Variants in FHAD1 observed in about 807,000 individuals in gnomAD.
The protein encoded by FHAD1 is forkhead-associated domain-containing protein 1.
In FHAD1, 146 loss-of-function variants were observed where a neutral mutation model predicts 191.3. The ratio of observed to expected loss-of-function variants is 0.76; its 90% CI spans 0.67 to 0.88. FHAD1 has a LOEUF of 0.88. Ranked by LOEUF, FHAD1 falls within the 40% of genes least tolerant of loss-of-function variation. The pLI is 0.00. For synonymous variants in FHAD1, 616 were observed against 672.3 expected, an observed-to-expected ratio of 0.92 and a Z score of 1.29; for missense variants, 1,635 against 1,785.8, an observed-to-expected ratio of 0.92 and a Z score of 1.52.
rs201203594 is a variant in FHAD1 at position 15,338,646 on chromosome 1, G to A, written c.1907-835G>A. Among the ~76,000 whole-genome samples, 7 of 152,094 alleles carry A rather than the reference G, an allele frequency of 4.6e-5. No homozygotes were observed. In the East Asian group the frequency reaches 1.4e-3, roughly 29 times the overall value. Reference sequence around the variant, plus strand: ...GCCCCGCGCACCCCTGTTCTGAAGCGCCCTCCCCCGGCTCTCTGAATTCTG... The same window carrying A: ...GCCCCGCGCACCCCTGTTCTGAAGCACCCTCCCCCGGCTCTCTGAATTCTG... On this transcript the variant is annotated intron_variant, in intron 14 of 33. Coordinates refer to ENST00000688493, the MANE Select transcript of FHAD1 (RefSeq NM_001391957.1).
intron 10 of FHAD1, among the ~76,000 whole-genome samples, chr1:15,320,144 A>T (rs1279313267): frequency 6.6e-6 from 1 of 152,136 alleles, no homozygotes; most frequent in Non-Finnish European, 1.5e-5. Context: ...CTAATTTCTA[A>T]ATATATGAGG....
chr1:15,246,445 G>A (rs1646036862), upstream of FHAD1, among the ~76,000 whole-genome samples: 1 of 152,142 alleles, frequency 6.6e-6, no homozygotes, highest in Non-Finnish European at 1.5e-5. Flanking sequence ...TCACTCTCCA[G>A]GTAGAGTCAG....
intron 3 of FHAD1, among the ~76,000 whole-genome samples, chr1:15,280,298 C>T (rs1660131484): frequency 6.6e-6 from 1 of 152,194 alleles, no homozygotes; most frequent in Non-Finnish European, 1.5e-5. Context: ...TAGTATTTTC[C>T]TCTACACTGT....
chr1:15,374,201 G>A (rs1402121233), intron 26 of FHAD1, among the ~76,000 whole-genome samples: 5 of 152,216 alleles, frequency 3.3e-5, no homozygotes, highest in Non-Finnish European at 5.9e-5. Flanking sequence ...AGACCAGCAT[G>A]ACAGCGAATG....
intron 24 of FHAD1, among the ~76,000 whole-genome samples, chr1:15,367,088 G>A (rs1401396240): frequency 6.6e-6 from 1 of 152,122 alleles, no homozygotes; most frequent in Non-Finnish European, 1.5e-5. Context: ...GTGGGGTAGA[G>A]GCTACAATGC....
At position 15,369,044 on chromosome 1, in the gene FHAD1, C is replaced by CT. The variant is rs1349856623; in HGVS notation, c.3315-325dup. ...CTGTAAAATGAGACAAGCAGAGTAC[C>CT]TAACTTGTGGGATTGTTATGAGAGA... On this transcript the variant is annotated intron_variant, in intron 25 of 33. Transcript: ENST00000688493. Among the ~76,000 whole-genome samples, 9 of 152,230 alleles carry CT rather than the reference C, an allele frequency of 5.9e-5. No individual in the cohort carries two copies. In the East Asian group the frequency reaches 1.7e-3, roughly 29 times the overall value.
chr1:15,361,832 C>G (rs528319535), intron 22 of FHAD1, among the ~76,000 whole-genome samples: 4 of 152,130 alleles, frequency 2.6e-5, no homozygotes, highest in Non-Finnish European at 5.9e-5. Context: ...TGGTGAAACC[C>G]CGTCTCTACT....
intron 8 of FHAD1, among the ~76,000 whole-genome samples, chr1:15,314,082 TA>T (rs1673181795): frequency 6.8e-6 from 1 of 147,666 alleles, no homozygotes; most frequent in African/African-American, 2.5e-5. Flanking sequence ...ATAATAATAA[TA>T]ATAATAATAA....
rs1674459943 is a variant in FHAD1 at position 15,316,365 on chromosome 1, C to G, written c.1171-13C>G. The G allele has an allele frequency of 1.3e-6, 2 of 1,550,890 alleles. No homozygotes were observed. Among genetic ancestry groups the G allele is most frequent in the Non-Finnish European group, 1.7e-6 (2 of 1,146,624 alleles). ...AACGTTGGCCTCTTTCTGTGTTGCC[C>G]TTTTCTCCACAGTGCTCGGTGCTAA... On this transcript the variant is annotated splice_polypyrimidine_tract_variant and intron_variant, in intron 8 of 33. Transcript: ENST00000688493. This position sits in a 1 kb window ranked among gnomAD's most constrained non-coding sequence, Gnocchi z 4.3.
At chr1:15,353,712 AAAAAAAAAAAAAAAGAAAAG>A (rs1304074528) in intron 20 of FHAD1, among the ~76,000 whole-genome samples, 2 of 148,440 alleles carry the variant, frequency 1.3e-5, no homozygotes, top group Admixed American at 6.6e-5. Context: ...CTCAAAAAAA[AAAAAAAAAAAAAAAGAAAAG>A]AAAAAAAAAA....
intron 18 of FHAD1, among the ~76,000 whole-genome samples, chr1:15,346,914 C>T (rs1289329000): frequency 3.3e-5 from 5 of 152,242 alleles, no homozygotes; most frequent in African/African-American, 9.6e-5. Context: ...GCCGAGTAAA[C>T]GGCAGCTGTT....
At chr1:15,333,542 CTG>C (rs1286324367) in intron 14 of FHAD1, among the ~76,000 whole-genome samples, 7 of 152,122 alleles carry the variant, frequency 4.6e-5, no homozygotes, top group Non-Finnish European at 1.0e-4. Flanking sequence ...AATGAGGAAA[CTG>C]GCTCAAAGCT....
intron 31 of FHAD1, among the ~76,000 whole-genome samples, chr1:15,385,888 G>A (rs1055124577): frequency 4.6e-5 from 7 of 152,220 alleles, no homozygotes; most frequent in East Asian, 1.9e-4. Flanking sequence ...AGAGAACCTC[G>A]TGGTCATCAG....
At chr1:15,342,602 T>C (rs934940939) in intron 16 of FHAD1, among the ~76,000 whole-genome samples, 2 of 152,142 alleles carry the variant, frequency 1.3e-5, no homozygotes, top group African/African-American at 4.8e-5. Context: ...TCAGAACATC[T>C]GGAGAGGGCC....
At chr1:15,315,955 C>T (rs7519531) in intron 8 of FHAD1, among the ~76,000 whole-genome samples, 1,800 of 152,274 alleles carry the variant, frequency 0.012, 34 homozygotes, top group African/African-American at 0.042. Context: ...CCAAATTGCC[C>T]TCCAGAACGG....
intron 1 of FHAD1, among the ~76,000 whole-genome samples, chr1:15,237,139 T>C (rs188299707): frequency 6.6e-6 from 1 of 152,240 alleles, no homozygotes; most frequent in East Asian, 1.9e-4. Context: ...AATTACCCAG[T>C]CTCAGGCAGC....
At position 15,313,160 on chromosome 1, in the gene FHAD1, C is replaced by G. The variant is rs1287826637; in HGVS notation, c.1143C>G (p.Asp381Glu). 1.3e-6 allele frequency: 2 copies of G among 1,551,990 alleles called. No individual in the cohort carries two copies. The highest frequency in any genetic ancestry group is 3.9e-5 in the Admixed American group (2 of 51,002). The change falls in exon 8 of 34, where the codon GAC becomes GAG. Residue 381 changes from aspartate to glutamate, a missense_variant. Transcript: ENST00000688493. ...TAAAAAGTCAGAACAAGGACAAGGA[C>G]CACCAGCTGGAAGCCCTTGGCTCTA... ...SHLKSQNKDK[D>E]HQLEALGSRC...
chr1:15,290,265 C>T (rs1664111287), intron 4 of FHAD1, among the ~76,000 whole-genome samples: 1 of 152,166 alleles, frequency 6.6e-6, no homozygotes, highest in African/African-American at 2.4e-5. Flanking sequence ...CCACTACCCC[C>T]TTGAAAGCCT....
chr1:15,378,501 T>C (rs895224185), intron 28 of FHAD1, among the ~76,000 whole-genome samples: 2 of 152,164 alleles, frequency 1.3e-5, no homozygotes, highest in Non-Finnish European at 2.9e-5. Flanking sequence ...TCCGGACTCC[T>C]GCAAGCTGCA....
Sources: gnomAD v4.1 joint callset for allele counts (sites outside exome capture counted in the v4.1 genomes callset) on GRCh38, gnomAD v4.1.1 for gene constraint, Gnocchi (gnomAD v3.1) non-coding constraint, MANE v1.5 for transcripts, NCBI Gene and HGNC (gene_info 2026-07-23, HGNC 2026-07-21) for gene names.